The following KIAA1328 variants were observed in gnomAD, a reference collection of about 807,000 sequenced individuals.
KIAA1328 encodes protein hinderin.
A neutral mutation model predicts 68.1 loss-of-function variants in KIAA1328; 52 were observed. The observed-to-expected ratio is 0.76, with a 90% CI of 0.61 to 0.96. The LOEUF is 0.96. KIAA1328 is among the 40% of genes least tolerant of loss of function. The pLI is 0.00. For missense variants in KIAA1328, 641 were observed against 677.6 expected, an observed-to-expected ratio of 0.95 and a Z score of 0.60; for synonymous variants, 232 against 239.4, an observed-to-expected ratio of 0.97 and a Z score of 0.28.
chr18:37,223,336 A>G lies in KIAA1328; in HGVS notation c.*1109A>G, dbSNP rs544352077. 2.1e-5 allele frequency: 21 copies of G among 985,308 alleles called. No homozygotes were observed. In the East Asian group the frequency reaches 3.4e-4, roughly 16 times the overall value. 61.0% of individuals were successfully genotyped at this position (985,308 alleles called of 1,614,324 possible). A position where few individuals can be genotyped will look rare whatever the true frequency, so the allele number is the denominator to read the frequency against. On this transcript the variant is annotated 3_prime_UTR_variant, in exon 10 of 10. Transcript: ENST00000280020. ...CCTCGTTTTGACCCAGAGAAAGCCT[A>G]TGGAAGTTATGCAGTGCAGACCTCA...
At chr18:37,109,396 A>T (rs937096092) in intron 7 of KIAA1328, among the ~76,000 whole-genome samples, 4 of 152,220 alleles carry the variant, frequency 2.6e-5, no homozygotes, top group Non-Finnish European at 2.9e-5. Flanking sequence ...GGCATAGCAT[A>T]GCCTAAGAAT....
At chr18:37,040,265 A>G (rs1411963099) in intron 6 of KIAA1328, among the ~76,000 whole-genome samples, 1 of 152,206 alleles carries the variant, frequency 6.6e-6, no homozygotes, top group East Asian at 1.9e-4. Context: ...CTATTTGACT[A>G]CTTACGAGTC....
chr18:36,950,065 A>G (rs2051096361), intron 5 of KIAA1328, among the ~76,000 whole-genome samples: 1 of 152,180 alleles, frequency 6.6e-6, no homozygotes, highest in Non-Finnish European at 1.5e-5. Context: ...CTTTTTACAA[A>G]CAATCCATTT....
intron 6 of KIAA1328, among the ~76,000 whole-genome samples, chr18:36,974,949 C>G (rs570536344): frequency 6.6e-6 from 1 of 152,228 alleles, no homozygotes; most frequent in East Asian, 1.9e-4. Flanking sequence ...CTTGGAACAG[C>G]AAGTCTTGAT....
intron 5 of KIAA1328, among the ~76,000 whole-genome samples, chr18:36,941,899 AAAG>A (rs2050726109): frequency 6.6e-6 from 1 of 152,158 alleles, no homozygotes; most frequent in Non-Finnish European, 1.5e-5. Flanking sequence ...ACAACAATAA[AAAG>A]AAATTGTTTA....
intron 5 of KIAA1328, among the ~76,000 whole-genome samples, chr18:36,957,036 C>T (rs1598818472): frequency 6.6e-6 from 1 of 152,284 alleles, no homozygotes; most frequent in East Asian, 1.9e-4. Context: ...TGTCCTTTCC[C>T]TGTGAACCAG....
At chr18:36,969,564 T>TA (rs2052087430) in intron 6 of KIAA1328, among the ~76,000 whole-genome samples, 1 of 152,090 alleles carries the variant, frequency 6.6e-6, no homozygotes, top group Admixed American at 6.5e-5. Context: ...TCTGGGTACA[T>TA]ACACTCTCCC....
intron 6 of KIAA1328, among the ~76,000 whole-genome samples, chr18:37,061,976 A>C (rs888680017): frequency 1.3e-5 from 2 of 152,178 alleles, no homozygotes; most frequent in African/African-American, 4.8e-5. Flanking sequence ...AATCATACTA[A>C]TAATAATAAT....
intron 9 of KIAA1328, among the ~76,000 whole-genome samples, chr18:37,186,338 G>A (rs986857902): frequency 6.6e-6 from 1 of 151,626 alleles, no homozygotes; most frequent in African/African-American, 2.4e-5. Flanking sequence ...GGCCAAGGAG[G>A]GTGGATCACT....
chr18:37,085,811 CTCCCTCTCT>C, intron 7 of KIAA1328, among the ~76,000 whole-genome samples: 1 of 152,044 alleles, frequency 6.6e-6, no homozygotes, highest in East Asian at 1.9e-4. Context: ...TTTCCCTCTC[CTCCCTCTCT>C]CCATATTTCT....
intron 6 of KIAA1328, among the ~76,000 whole-genome samples, chr18:37,023,090 G>A (rs1039338622): frequency 2.0e-5 from 3 of 152,184 alleles, no homozygotes; most frequent in Admixed American, 2.0e-4. Context: ...GAGTGCAGTG[G>A]CACAATCATG....
At chr18:36,924,893 T>C (rs1474854617) in intron 5 of KIAA1328, 1 of 152,044 alleles carries the variant, frequency 6.6e-6, no homozygotes, top group Non-Finnish European at 1.5e-5. Flanking sequence ...CATAAGCATA[T>C]ATTGGATTTG....
intron 6 of KIAA1328, among the ~76,000 whole-genome samples, chr18:36,985,617 C>T (rs144665164): frequency 0.013 from 1,996 of 152,184 alleles, 29 homozygotes; most frequent in Non-Finnish European, 0.02. Context: ...TTCTTTTCAA[C>T]GAGTCCATAT....
At chr18:37,138,876 A>G (rs747640953) in intron 7 of KIAA1328, among the ~76,000 whole-genome samples, 1 of 150,030 alleles carries the variant, frequency 6.7e-6, no homozygotes, top group Non-Finnish European at 1.5e-5. Flanking sequence ...TAAAATTTAT[A>G]TTGATAATTT....
At chr18:37,202,148 T>C (rs548275126) in intron 9 of KIAA1328, among the ~76,000 whole-genome samples, 26 of 151,950 alleles carry the variant, frequency 1.7e-4, no homozygotes, top group African/African-American at 5.8e-4. Flanking sequence ...CATTTTTTTT[T>C]AACAAAAGCA....
At chr18:37,106,562 G>T (rs1159272350) in intron 7 of KIAA1328, among the ~76,000 whole-genome samples, 1 of 151,996 alleles carries the variant, frequency 6.6e-6, no homozygotes, top group Non-Finnish European at 1.5e-5. Context: ...GGAACTACAG[G>T]CGTGCCCCAC....
intron 7 of KIAA1328, among the ~76,000 whole-genome samples, chr18:37,137,420 A>G (rs1005954417): frequency 3.3e-5 from 5 of 152,072 alleles, no homozygotes; most frequent in African/African-American, 1.2e-4. Context: ...TCTTTTTTCC[A>G]TATTTCTTGA....
intron 6 of KIAA1328, among the ~76,000 whole-genome samples, chr18:37,013,423 G>A (rs1421278822): frequency 6.6e-6 from 1 of 152,036 alleles, no homozygotes; most frequent in Non-Finnish European, 1.5e-5. Context: ...TGATGCTGAG[G>A]TTTGGGGTAC....
chr18:36,830,005 G>A (rs963672330), intron 1 of KIAA1328, among the ~76,000 whole-genome samples: 1 of 152,146 alleles, frequency 6.6e-6, no homozygotes, highest in South Asian at 2.1e-4. Context: ...TTTACTTCAC[G>A]TTCCTTAGAG....
Sources: gnomAD v4.1 joint callset for allele counts (sites outside exome capture counted in the v4.1 genomes callset) on GRCh38, gnomAD v4.1.1 for gene constraint, MANE v1.5 for transcripts, NCBI Gene and HGNC (gene_info 2026-07-23, HGNC 2026-07-21) for gene names.